Variants in ALDH1A3 observed in about 807,000 individuals in gnomAD.
ALDH1A3 encodes aldehyde dehydrogenase 1 family member A3, also known as retinaldehyde dehydrogenase 3.
In ALDH1A3, 28 loss-of-function variants were observed where a neutral mutation model predicts 57.5. The ratio of observed to expected loss-of-function variants is 0.49; its 90% CI spans 0.36 to 0.67. ALDH1A3 has a LOEUF of 0.67. Among genes scored for constraint, ALDH1A3 ranks in the 30% least tolerant of loss-of-function variants. The probability of loss-of-function intolerance (pLI) is 0.00; values close to 1 mark genes in which losing one functional copy is unlikely to be tolerated. For missense variants in ALDH1A3, 507 were observed against 669.4 expected, an observed-to-expected ratio of 0.76 and a Z score of 2.68; for synonymous variants, 281 against 264.8, an observed-to-expected ratio of 1.06 and a Z score of -0.59.
Position 100,900,569 on chromosome 15 carries a change from C to A in ALDH1A3, c.884-6C>A, listed in dbSNP as rs4646673. On this transcript the variant is annotated splice_region_variant and splice_polypyrimidine_tract_variant and intron_variant, in intron 8 of 12. Coordinates refer to ENST00000329841, the MANE Select transcript of ALDH1A3 (RefSeq NM_000693.4). ...CTGCCCGCCTCCCTCGCCCCTCCCCCTCCAGTGGACTTGGCAGTGGAGTGT... is the reference window on the plus strand; with the variant it reads ...CTGCCCGCCTCCCTCGCCCCTCCCCATCCAGTGGACTTGGCAGTGGAGTGT... 1.1e-4 allele frequency: 179 copies of A among 1,576,394 alleles called. No individual in the cohort carries two copies. In the East Asian group the frequency reaches 4.1e-3, roughly 36 times the overall value.
Position 100,898,104 on chromosome 15 carries a change from G to T in ALDH1A3, c.802G>T (p.Ala268Ser). 2.5e-6 allele frequency: 4 copies of T among 1,614,112 alleles called. No individual in the cohort carries two copies. Among genetic ancestry groups the T allele is most frequent in the Non-Finnish European group, 3.4e-6 (4 of 1,179,984 alleles). The change falls in exon 8 of 13, where the codon GCT (alanine) becomes TCT (serine). Residue 268 changes from alanine (A) to serine (S), a missense_variant. Physicochemically the swap from Ala to Ser is moderately conservative, Grantham distance 99 (BLOSUM62 1). Coordinates refer to ENST00000329841, the MANE Select transcript of ALDH1A3 (RefSeq NM_000693.4). The part of the protein sequence containing the change: ...STEVGKLVKE[A>S]ASRSNLKRVT... Reference sequence around the variant, plus strand: ...GGAGGTTGGAAAACTGGTTAAAGAAGCTGCGTCCCGGAGCAATCTGAAGCG... The same window carrying T: ...GGAGGTTGGAAAACTGGTTAAAGAATCTGCGTCCCGGAGCAATCTGAAGCG...
chr15:100,884,445 G>A lies in ALDH1A3; in HGVS notation c.100-822G>A, dbSNP rs556820691. Among the ~76,000 whole-genome samples, 103 of 152,262 alleles carry A rather than the reference G, an allele frequency of 6.8e-4. 2 individuals carry two copies. The South Asian group carries it at 0.021, about 31-fold the overall frequency. ...TGAGGTTCCCAGAAAAGTGATTTCTGCGGGTTATATAAACAGTTATTTGCG... is the reference window on the plus strand; with the variant it reads ...TGAGGTTCCCAGAAAAGTGATTTCTACGGGTTATATAAACAGTTATTTGCG... On this transcript the variant is annotated intron_variant, in intron 1 of 12. Coordinates refer to ENST00000329841, the MANE Select transcript of ALDH1A3 (RefSeq NM_000693.4).
chr15:100,880,861 G>C (rs2041541228), intron 1 of ALDH1A3: 1 of 152,344 alleles, frequency 6.6e-6, no homozygotes, highest in Non-Finnish European at 1.5e-5. Context: ...CGAGAGACCC[G>C]GGTCCGGGAG....
Position 100,892,623 on chromosome 15 carries a change from C to A in ALDH1A3, c.459C>A (p.Gly153=). The change falls in exon 4 of 13, where the codon GGC becomes GGA. Residue 153 remains glycine, a synonymous_variant. Coordinates refer to ENST00000329841, the MANE Select transcript of ALDH1A3 (RefSeq NM_000693.4). ...CAGGGTGGGCAGACAAAATCCAGGGCAAGACCATCCCCACAGGTGAGCAAG... is the reference window on the plus strand; with the variant it reads ...CAGGGTGGGCAGACAAAATCCAGGGAAAGACCATCCCCACAGGTGAGCAAG... ...YFAGWADKIQ[G]KTIPTDDNVV... The A allele has an allele frequency of 6.2e-7, 1 of 1,612,392 alleles. No homozygotes were observed. Among genetic ancestry groups the A allele is most frequent in the Non-Finnish European group, 8.5e-7 (1 of 1,179,536 alleles).
In ALDH1A3 at chr15:100,914,818, G is replaced by A. The variant is rs761336322; in HGVS notation, c.*45G>A. On this transcript the variant is annotated 3_prime_UTR_variant, in exon 13 of 13. Transcript: ENST00000329841. ...CCTCAAACATCGGACGGCGGAATGT[G>A]GCAGATGAAATGTGCTGGAGGAAAA... 1.3e-6 allele frequency: 2 copies of A among 1,587,250 alleles called. No homozygotes were observed. The highest frequency in any genetic ancestry group is 4.5e-5 in the East Asian group (2 of 44,744).
chr15:100,880,611 C>T (rs1043870660), intron 1 of ALDH1A3: 1 of 167,880 alleles, frequency 6.0e-6, no homozygotes, highest in Non-Finnish European at 1.3e-5. Context: ...ACGAAACCTC[C>T]CCGGAGCCCA....
chr15:100,904,895 G>A (rs1198928718), intron 9 of ALDH1A3, among the ~76,000 whole-genome samples: 1 of 152,166 alleles, frequency 6.6e-6, no homozygotes, highest in African/African-American at 2.4e-5. Flanking sequence ...CAGGGGTGTT[G>A]AGTAAGGTGG....
intron 8 of ALDH1A3, among the ~76,000 whole-genome samples, chr15:100,899,713 C>A (rs543138324): frequency 4.5e-4 from 69 of 152,278 alleles, no homozygotes; most frequent in Admixed American, 4.5e-3. Flanking sequence ...GAGGTACCCC[C>A]AAACCTTATG....
intron 4 of ALDH1A3, 27 bp downstream of exon 4, chr15:100,892,666 T>C: frequency 6.3e-7 from 1 of 1,591,750 alleles, no homozygotes; most frequent in Non-Finnish European, 8.5e-7. Flanking sequence ...ATAGCTTCAT[T>C]TGGGATCCCT....
chr15:100,909,752 G>T (rs1452281135), intron 12 of ALDH1A3, among the ~76,000 whole-genome samples: 1 of 152,234 alleles, frequency 6.6e-6, no homozygotes. Context: ...GAGTGGAGAT[G>T]TGTGGTTTCC....
At chr15:100,895,537 C>T (rs2041693075) in intron 6 of ALDH1A3, 1 of 183,942 alleles carries the variant, frequency 5.4e-6, no homozygotes, top group South Asian at 1.6e-4. Flanking sequence ...GCATTCTGAT[C>T]AAGGTACCCC....
intron 11 of ALDH1A3, among the ~76,000 whole-genome samples, 171 bp downstream of exon 11, chr15:100,907,449 G>A (rs2041833231): frequency 6.6e-6 from 1 of 152,156 alleles, no homozygotes; most frequent in Admixed American, 6.5e-5. Flanking sequence ...CTGCCATTAT[G>A]TCTCCATTTC....
Position 100,908,315 on chromosome 15 carries a change from A to C in ALDH1A3, c.1392-93A>C, listed in dbSNP as rs964255714. 6 of 1,041,146 alleles carry C rather than the reference A, an allele frequency of 5.8e-6. No individual in the cohort carries two copies. The African/African-American group carries it at 9.7e-5, about 17-fold the overall frequency. 64.5% of individuals were successfully genotyped at this position (1,041,146 alleles called of 1,614,324 possible). On this transcript the variant is annotated intron_variant, in intron 11 of 12. Coordinates refer to ENST00000329841, the MANE Select transcript of ALDH1A3 (RefSeq NM_000693.4). ...GCTTTGGCAAAAGACTGTTTATTAG[A>C]CAATGCCCTGCACTGGGGGCTAAGT... is the stretch of plus-strand genomic sequence containing the variant.
rs4246327 is a variant in ALDH1A3, at chr15:100,905,994, A to C, written c.1233+307A>C. Among the ~76,000 whole-genome samples the C allele has an allele frequency of 0.62, 93,558 of 151,782 alleles. 29,225 individuals are homozygous for C. The highest frequency in any genetic ancestry group is 0.72 in the South Asian group (3,478 of 4,802). On this transcript the variant is annotated intron_variant, in intron 10 of 12. Coordinates refer to ENST00000329841, the MANE Select transcript of ALDH1A3 (RefSeq NM_000693.4). ...AAGCCCTCTCTGATTTTCTAACACAACCGGTCCCCGAGTCAGTCATGCAGC... is the reference window on the plus strand; with the variant it reads ...AAGCCCTCTCTGATTTTCTAACACACCCGGTCCCCGAGTCAGTCATGCAGC...
chr15:100,880,287 C>T (rs1286260518), intron 1 of ALDH1A3: 3 of 381,492 alleles, frequency 7.9e-6, no homozygotes, highest in Non-Finnish European at 1.4e-5. Flanking sequence ...CCTGCGAGGC[C>T]CCGACGTGTC....
intron 3 of ALDH1A3, chr15:100,888,786 G>A (rs181060665): frequency 1.3e-5 from 2 of 152,192 alleles, no homozygotes; most frequent in Non-Finnish European, 2.9e-5. Flanking sequence ...GTGTAAGAAT[G>A]ATCTATTTAA....
rs747235458 is a variant in ALDH1A3, at chr15:100,893,960, T to G, written c.544T>G (p.Phe182Val). The change falls in exon 6 of 13, where the codon TTC becomes GTC. Residue 182 changes from phenylalanine to valine, a missense_variant. Physicochemically the swap from Phe to Val is conservative, Grantham distance 50 (BLOSUM62 -1). Coordinates refer to ENST00000329841, the MANE Select transcript of ALDH1A3 (RefSeq NM_000693.4). The surrounding 1 kb of genome is among the most constrained non-coding windows in gnomAD (Gnocchi z 4.8). ...GVCGAITPWNFPLLMLVWKLA... is the reference protein window; with the variant it reads ...GVCGAITPWNVPLLMLVWKLA... ...CCCCTGTGCTCTGTCGCAGTGGAAC[T>G]TCCCCCTGCTGATGCTGGTGTGGAA... 2 of 1,614,102 alleles carry G rather than the reference T, an allele frequency of 1.2e-6. No homozygotes were observed. Among genetic ancestry groups the G allele is most frequent in the Non-Finnish European group, 1.7e-6 (2 of 1,179,980 alleles).
rs76387598 is a variant in ALDH1A3, at chr15:100,896,105, G to A, written c.780+59G>A. 1.2e-3 allele frequency: 1,579 copies of A among 1,321,438 alleles called. 13 individuals carry two copies. The African/African-American group carries it at 0.016, about 14-fold the overall frequency. The allele number at this position is 1,321,438 out of a possible 1,614,324, so 81.9% of individuals were successfully genotyped here. A position where few individuals can be genotyped will look rare whatever the true frequency, so the allele number is the denominator to read the frequency against. On this transcript the variant is annotated intron_variant, in intron 7 of 12. Coordinates refer to ENST00000329841, the MANE Select transcript of ALDH1A3 (RefSeq NM_000693.4). Reference sequence around the variant, plus strand: ...AAGGGGCGTGTTATTTGACACCCGTGAGCTTTTCCTTTGACAGGCTTTAAT... The same window carrying A: ...AAGGGGCGTGTTATTTGACACCCGTAAGCTTTTCCTTTGACAGGCTTTAAT...
intron 7 of ALDH1A3, among the ~76,000 whole-genome samples, chr15:100,897,070 G>GA (rs145916416): frequency 1.3e-5 from 2 of 152,072 alleles, no homozygotes; most frequent in African/African-American, 4.8e-5. Flanking sequence ...ACTTAAAAAA[G>GA]AAAAAAACAC....
Sources: allele counts gnomAD v4.1 joint callset (sites outside exome capture counted in the v4.1 genomes callset), GRCh38; gene constraint gnomAD v4.1.1; non-coding constraint Gnocchi (gnomAD v3.1); transcripts MANE v1.5; gene names NCBI Gene and HGNC (gene_info 2026-07-23, HGNC 2026-07-21).